DLC1: variants seen among roughly 807,000 people sequenced by gnomAD.
DLC1 encodes the protein rho GTPase-activating protein 7.
A neutral mutation model predicts 140.3 loss-of-function variants in DLC1; 54 were observed. The observed-to-expected ratio is 0.38, with a 90% CI of 0.31 to 0.48. The LOEUF is 0.48. Among genes scored for constraint, DLC1 ranks in the 20% least tolerant of loss-of-function variants. The pLI is 0.96. For missense variants in DLC1, 2,536 were observed against 1,907.0 expected (o/e 1.33, Z -6.14); for synonymous variants, 986 against 728.1 (o/e 1.35, Z -5.70).
At chr8:13,255,184 T>G (rs1380045168) in intron 5 of DLC1, among the ~76,000 whole-genome samples, 2 of 152,122 alleles carry the variant, frequency 1.3e-5, no homozygotes, top group Non-Finnish European at 1.5e-5. Context: ...TTTGCCAGGC[T>G]GGTCTCGAAC....
intron 1 of DLC1, among the ~76,000 whole-genome samples, chr8:13,569,988 A>G (rs1304212401): frequency 6.6e-6 from 1 of 152,204 alleles, no homozygotes; most frequent in Non-Finnish European, 1.5e-5. Context: ...AGCCTTCCCA[A>G]GTGCTGGGAT....
At chr8:13,104,432 C>T (rs936870106) in intron 7 of DLC1, among the ~76,000 whole-genome samples, 2 of 151,414 alleles carry the variant, frequency 1.3e-5, no homozygotes, top group African/African-American at 2.4e-5. Context: ...CTGAACTAAA[C>T]GGTATGTACA....
intron 4 of DLC1, among the ~76,000 whole-genome samples, chr8:13,333,487 G>T (rs1332493193): frequency 6.6e-6 from 1 of 152,114 alleles, no homozygotes; most frequent in East Asian, 1.9e-4. Flanking sequence ...GCACTGAAGT[G>T]ATCTTCCTGT....
intron 4 of DLC1, among the ~76,000 whole-genome samples, chr8:13,316,568 C>A (rs941569559): frequency 2.0e-5 from 3 of 152,050 alleles, no homozygotes; most frequent in Non-Finnish European, 4.4e-5. Flanking sequence ...GTAGGTTGGG[C>A]CCATGGCAAG....
chr8:13,515,069 G>C (rs1239212291), upstream of DLC1, among the ~76,000 whole-genome samples: 2 of 152,022 alleles, frequency 1.3e-5, no homozygotes, highest in Admixed American at 6.6e-5. Flanking sequence ...TAAAGTCCTA[G>C]AGCTTTTTCT....
intron 5 of DLC1, among the ~76,000 whole-genome samples, chr8:13,283,984 G>A (rs576015697): frequency 3.9e-5 from 6 of 152,244 alleles, no homozygotes; most frequent in East Asian, 3.9e-4. Context: ...AAGAACTCTC[G>A]AAGGCTAGGG....
chr8:13,093,347 G>C (rs998671615), intron 12 of DLC1, among the ~76,000 whole-genome samples: 2 of 152,070 alleles, frequency 1.3e-5, no homozygotes, highest in African/African-American at 2.4e-5. Flanking sequence ...AGTGGGAAAA[G>C]CTGCTAAAAT....
intron 1 of DLC1, among the ~76,000 whole-genome samples, chr8:13,550,609 T>C (rs1223254988): frequency 2.6e-5 from 4 of 152,146 alleles, no homozygotes; most frequent in African/African-American, 9.6e-5. Flanking sequence ...AGAAAAGAAA[T>C]AAAATAATAG....
At chr8:13,394,531 G>C (rs1050666589) in intron 3 of DLC1, among the ~76,000 whole-genome samples, 1 of 152,172 alleles carries the variant, frequency 6.6e-6, no homozygotes, top group Non-Finnish European at 1.5e-5. Context: ...GTTATAGGTG[G>C]TTTGGTTGCA....
At chr8:13,185,044 A>C (rs1194888948) in intron 5 of DLC1, among the ~76,000 whole-genome samples, 3 of 146,780 alleles carry the variant, frequency 2.0e-5, no homozygotes, top group African/African-American at 7.6e-5. Flanking sequence ...TCCCTTTACC[A>C]TTGTGTAATG....
chr8:13,341,482 C>G (rs997473455), intron 4 of DLC1: 2 of 152,152 alleles, frequency 1.3e-5, no homozygotes, highest in African/African-American at 2.4e-5. Context: ...GGGGCAGGGC[C>G]TGGGAATTTT....
rs181483616 is a variant in DLC1, at chr8:13,410,569, G to A, written c.1024-8950C>T. ...TAATCATTTAAAAAATGGAATAGGA[G>A]GAAAAACCCCTCATATCACAGTGGC... is the stretch of plus-strand genomic sequence containing the variant. On this transcript the variant is annotated intron_variant, in intron 2 of 17. Transcript: ENST00000276297. Among the ~76,000 whole-genome samples the A allele has an allele frequency of 2.4e-3, 369 of 151,346 alleles. 4 individuals carry two copies. Among genetic ancestry groups the A allele is most frequent in the African/African-American group, 8.5e-3 (349 of 41,244 alleles).
intron 5 of DLC1, among the ~76,000 whole-genome samples, chr8:13,166,641 C>G (rs1825125577): frequency 6.6e-6 from 1 of 152,230 alleles, no homozygotes; most frequent in South Asian, 2.1e-4. Flanking sequence ...CCCGATTTCT[C>G]TTTAAGCCAT....
chr8:13,350,829 A>G lies in DLC1; in HGVS notation c.1314+42724T>C, dbSNP rs17091984. On this transcript the variant is annotated intron_variant, in intron 4 of 17. Coordinates refer to ENST00000276297, the MANE Select transcript of DLC1 (RefSeq NM_182643.3). ...GAAGGTGGTAGCCTTTAGTGATTCT[A>G]TTGCTCACACCTTGCATAGAAGCCG... is the stretch of plus-strand genomic sequence containing the variant. Among the ~76,000 whole-genome samples the G allele has an allele frequency of 1.4e-3, 206 of 152,330 alleles. 5 individuals carry two copies. In the East Asian group the frequency reaches 0.031, roughly 23 times the overall value.
chr8:13,396,002 A>T (rs1249161284), intron 3 of DLC1, among the ~76,000 whole-genome samples: 1 of 152,030 alleles, frequency 6.6e-6, no homozygotes, highest in African/African-American at 2.4e-5. Flanking sequence ...GTAATTTATA[A>T]GCCATTTATA....
At chr8:13,106,571 A>G (rs557694387) in intron 7 of DLC1, among the ~76,000 whole-genome samples, 1 of 152,028 alleles carries the variant, frequency 6.6e-6, no homozygotes, top group African/African-American at 2.4e-5. Context: ...ATGGTCTCCA[A>G]CTCCTGGAGG....
intron 4 of DLC1, among the ~76,000 whole-genome samples, chr8:13,314,307 A>G (rs1832785742): frequency 6.7e-6 from 1 of 148,400 alleles, no homozygotes; most frequent in African/African-American, 2.4e-5. Flanking sequence ...ATGTATATAT[A>G]TAATATACAT....
At chr8:13,155,844 A>G (rs1331519673) in intron 5 of DLC1, among the ~76,000 whole-genome samples, 1 of 152,232 alleles carries the variant, frequency 6.6e-6, no homozygotes, top group African/African-American at 2.4e-5. Flanking sequence ...CTATGAGCCG[A>G]AAGCTCATAA....
chr8:13,270,416 C>A (rs1220899565), intron 5 of DLC1, among the ~76,000 whole-genome samples: 1 of 152,192 alleles, frequency 6.6e-6, no homozygotes, highest in Non-Finnish European at 1.5e-5. Context: ...TTTTCCCATA[C>A]CACAGCTGAG....
Sources: allele counts gnomAD v4.1 joint callset (sites outside exome capture counted in the v4.1 genomes callset), GRCh38; gene constraint gnomAD v4.1.1; transcripts MANE v1.5; gene names NCBI Gene and HGNC (gene_info 2026-07-23, HGNC 2026-07-21).